LRRC56: variants seen among roughly 807,000 people sequenced by gnomAD.
LRRC56 encodes leucine-rich repeat-containing protein 56.
LRRC56 carries 41 observed loss-of-function variants against 47.8 expected under a neutral mutation model. The ratio of observed to expected loss-of-function variants is 0.86; its 90% confidence interval spans 0.67 to 1.11. The LOEUF is 1.11. LRRC56 is among the 50% of genes most tolerant of loss of function. LRRC56 has a pLI of 0.00. For missense variants in LRRC56, 759 were observed against 704.2 expected (o/e 1.08, Z -0.88); for synonymous variants, 387 against 311.2 (o/e 1.24, Z -2.56).
chr11:512,101 AC>A, the LRRC56 span, among the ~76,000 whole-genome samples: 2 of 151,652 alleles, frequency 1.3e-5, no homozygotes, highest in African/African-American at 2.4e-5. Context: ...GTGCCACCAC[AC>A]CCAGCTAATT....
intron 8 of LRRC56, 148 bp from the exon 9 acceptor site, chr11:550,983 C>T: frequency 1.9e-6 from 1 of 518,912 alleles, no homozygotes; most frequent in Non-Finnish European, 3.5e-6. Context: ...TGACCCAAGC[C>T]CACCCCTGCA....
Position 540,874 on chromosome 11 carries a change from G to T in LRRC56, c.177+13G>T, listed in dbSNP as rs772203177. ...CCCTGCCCGGCTGGTGAGTGTGGGCGCTGGGGGCTGTGGCCACAGAGGCCT... is the reference window on the plus strand; with the variant it reads ...CCCTGCCCGGCTGGTGAGTGTGGGCTCTGGGGGCTGTGGCCACAGAGGCCT... On this transcript the variant is annotated intron_variant, in intron 4 of 13. Transcript: ENST00000270115. 2 of 1,530,696 alleles carry T rather than the reference G, an allele frequency of 1.3e-6. No individual in the cohort carries two copies. Among genetic ancestry groups the T allele is most frequent in the Non-Finnish European group, 8.8e-7 (1 of 1,134,766 alleles). The allele number at this position is 1,530,696 out of a possible 1,614,324, so 94.8% of individuals were successfully genotyped here.
At position 550,138 on chromosome 11, in the gene LRRC56, G is replaced by T; in HGVS notation, c.490G>T (p.Val164Leu). 1 of 1,613,538 alleles carries T rather than the reference G, an allele frequency of 6.2e-7. No homozygotes were observed. The highest frequency in any genetic ancestry group is 8.5e-7 in the Non-Finnish European group (1 of 1,179,896). Reference sequence around the variant, plus strand: ...ACTGTGCCTGCTGGAACAATTGGAGGTGCTGGACCTGGAGGGCAACAGCGT... The same window carrying T: ...ACTGTGCCTGCTGGAACAATTGGAGTTGCTGGACCTGGAGGGCAACAGCGT... ...SPLCLLEQLEVLDLEGNSVED... is the reference protein window; with the variant it reads ...SPLCLLEQLELLDLEGNSVED... Residue 164 changes from valine to leucine, a missense_variant, in exon 8 of 14, where the codon GTG becomes TTG. By Grantham distance (32) the Val-to-Leu change is conservative (BLOSUM62 1). Transcript: ENST00000270115.
upstream of LRRC56, chr11:534,667 G>T: frequency 2.5e-6 from 1 of 401,572 alleles, no homozygotes; most frequent in Non-Finnish European, 4.6e-6. Flanking sequence ...GAAGCTGCTG[G>T]GTCGGCAGAA....
At chr11:543,084 G>T (rs1300868904) in intron 5 of LRRC56, among the ~76,000 whole-genome samples, 1 of 151,990 alleles carries the variant, frequency 6.6e-6, no homozygotes, top group Non-Finnish European at 1.5e-5. Context: ...TAGAGACGGG[G>T]TTTCACCATG....
the LRRC56 span, among the ~76,000 whole-genome samples, chr11:516,068 A>G: frequency 5.3e-4 from 81 of 152,206 alleles, no homozygotes; most frequent in Non-Finnish European, 1.1e-3. Context: ...TCCTGTTACC[A>G]ATGCCACACT....
intron 8 of LRRC56, 142 bp from the exon 9 acceptor site, chr11:550,989 C>G (rs1852351896): frequency 1.9e-6 from 1 of 537,628 alleles, no homozygotes; most frequent in South Asian, 2.7e-5. Flanking sequence ...AAGCCCACCC[C>G]TGCAGGGTAG....
At chr11:508,720 C>T in the LRRC56 span, among the ~76,000 whole-genome samples, 14,778 of 148,426 alleles carry the variant, frequency 0.1, 996 homozygotes, top group Admixed American at 0.19. Context: ...CGAGCCTAGA[C>T]CACACCATTG....
chr11:525,351 A>G, the LRRC56 span, among the ~76,000 whole-genome samples: 17 of 151,940 alleles, frequency 1.1e-4, no homozygotes, highest in East Asian at 5.9e-4. Context: ...CATCCTGGCT[A>G]ACACGGTGAA....
chr11:551,293 C>A lies in LRRC56; in HGVS notation c.787C>A (p.Pro263Thr). Residue 263 changes from proline (P) to threonine (T), a missense_variant, in exon 9 of 14, where the codon CCC (proline) becomes ACC (threonine). Pro to Thr is a conservative substitution (Grantham distance 38, BLOSUM62 -1). Coordinates refer to ENST00000270115, the MANE Select transcript of LRRC56 (RefSeq NM_198075.4). ...KEAIKKGNGLPPLDCPRGAPI... is the reference protein window; with the variant it reads ...KEAIKKGNGLTPLDCPRGAPI... ...GGCCATCAAGAAGGGCAACGGCCTT[C>A]CCCCGCTGGGTACGGCAGCTGCGCC... 6.6e-7 allele frequency: 1 copy of A among 1,523,554 alleles called. No homozygotes were observed. 94.4% of individuals were successfully genotyped at this position (1,523,554 alleles called of 1,614,324 possible).
chr11:528,362 C>T, the LRRC56 span: 3 of 152,218 alleles, frequency 2.0e-5, no homozygotes, highest in African/African-American at 7.2e-5. Context: ...TCCCCACAGG[C>T]TTCCTCCACC....
chr11:546,593 T>G (rs1186076832), intron 6 of LRRC56, among the ~76,000 whole-genome samples: 2 of 149,202 alleles, frequency 1.3e-5, no homozygotes, highest in Non-Finnish European at 1.5e-5. Flanking sequence ...CATGAAGATC[T>G]GGAAATGGAA....
At chr11:550,362 C>T (rs1278062814) in intron 8 of LRRC56, 90 bp downstream of exon 8, 75 of 1,241,970 alleles carry the variant, frequency 6.0e-5, no homozygotes, top group Non-Finnish European at 8.1e-5. Context: ...TGGCCAGGTA[C>T]TTCTGTGCCC....
At chr11:531,354 C>T in the LRRC56 span, among the ~76,000 whole-genome samples, 3 of 152,152 alleles carry the variant, frequency 2.0e-5, no homozygotes, top group East Asian at 1.9e-4. Context: ...AGCCTCAACC[C>T]GGGCCCTGGG....
At chr11:524,031 CAT>C in the LRRC56 span, among the ~76,000 whole-genome samples, 3 of 152,110 alleles carry the variant, frequency 2.0e-5, no homozygotes, top group African/African-American at 7.2e-5. Flanking sequence ...TACATGCAGA[CAT>C]ACTATCATAC....
upstream of LRRC56, chr11:532,594 C>G: frequency 6.3e-7 from 1 of 1,595,834 alleles, no homozygotes. Flanking sequence ...CGGGGTCATC[C>G]GGTGGGCGTG....
At chr11:531,854 G>C in the LRRC56 span, among the ~76,000 whole-genome samples, 1 of 152,242 alleles carries the variant, frequency 6.6e-6, no homozygotes. Flanking sequence ...TTCTTGGCAG[G>C]TGCATTTCAC....
At chr11:532,907 A>T, upstream of LRRC56, 1 of 813,334 alleles carries the variant, frequency 1.2e-6, no homozygotes, top group Non-Finnish European at 2.1e-6. Context: ...GGGAAGCTGG[A>T]CTCTGGCCAT....
chr11:511,302 C>A, the LRRC56 span, among the ~76,000 whole-genome samples: 1 of 132,446 alleles, frequency 7.6e-6, no homozygotes. Flanking sequence ...GCCTGGGCGA[C>A]AGAGCTAGAC....
Sources: allele counts gnomAD v4.1 joint callset (sites outside exome capture counted in the v4.1 genomes callset), GRCh38; gene constraint gnomAD v4.1.1; transcripts MANE v1.5; gene names NCBI Gene and HGNC (gene_info 2026-07-23, HGNC 2026-07-21).